The following S100Z variants were observed in gnomAD, a reference collection of about 807,000 sequenced individuals.
The protein encoded by S100Z is S100 calcium binding protein Z, also known as protein S100-Z.
In S100Z, 11 loss-of-function variants were observed where a neutral mutation model predicts 8.5. The ratio of observed to expected loss-of-function variants is 1.30; its 90% CI spans 0.82 to 2.15. S100Z has a LOEUF of 2.15. Ranked by LOEUF, S100Z falls within the 30% of genes most tolerant of loss-of-function variation. The pLI is 0.00. For synonymous variants in S100Z, 34 were observed against 43.8 expected (o/e 0.78, Z 0.89); for missense variants, 126 against 117.9 (o/e 1.07, Z -0.32).
chr5:76,864,159 A>T (rs1561224490), intron 1 of S100Z, among the ~76,000 whole-genome samples: 1 of 152,282 alleles, frequency 6.6e-6, no homozygotes, highest in East Asian at 1.9e-4. Flanking sequence ...GACCAACCAC[A>T]TATATGACAA....
intron 1 of S100Z, among the ~76,000 whole-genome samples, chr5:76,859,705 C>T (rs111624298): frequency 2.2e-4 from 31 of 140,360 alleles, no homozygotes; most frequent in African/African-American, 7.2e-4. Flanking sequence ...TCGCTTGAAC[C>T]CGGAAGTGGA....
rs1235748706 is a variant in S100Z at position 76,888,365 on chromosome 5, G to GTTTTT, written c.*2+10532_*2+10533insTTTTT. ...TTTTTTTTTTCCTGGGAAAGTGCTG[G>GTTTTT]TATTTTTTTTTTTTTTTTTTTTTTT... On this transcript the variant is annotated intron_variant, in intron 4 of 4. Coordinates refer to ENST00000317593, the MANE Select transcript of S100Z (RefSeq NM_130772.4). 4.9e-4 allele frequency among the ~76,000 whole-genome samples: 41 copies of GTTTTT among 84,012 alleles called. 1 individual carries two copies. Among genetic ancestry groups the GTTTTT allele is most frequent in the African/African-American group, 1.1e-3 (25 of 23,408 alleles). 55.1% of individuals were successfully genotyped at this position (84,012 alleles called of 152,430 possible).
intron 1 of S100Z, among the ~76,000 whole-genome samples, chr5:76,856,185 T>C (rs1354701671): frequency 6.6e-6 from 1 of 152,108 alleles, no homozygotes; most frequent in Non-Finnish European, 1.5e-5. Context: ...GTGAGCCAAT[T>C]AACCTTCTTT....
chr5:76,863,445 C>T (rs552296729), intron 1 of S100Z, among the ~76,000 whole-genome samples: 5 of 152,324 alleles, frequency 3.3e-5, no homozygotes, highest in African/African-American at 7.2e-5. Context: ...ACATAACTTA[C>T]GGTTGGTTAG....
intron 4 of S100Z, among the ~76,000 whole-genome samples, chr5:76,906,544 C>A (rs1425028831): frequency 6.6e-6 from 1 of 152,074 alleles, no homozygotes; most frequent in Non-Finnish European, 1.5e-5. Flanking sequence ...TCTTTCTGTG[C>A]CTGGCTTATT....
chr5:76,927,355 G>C, the S100Z span, among the ~76,000 whole-genome samples: 1 of 152,234 alleles, frequency 6.6e-6, no homozygotes, highest in East Asian at 1.9e-4. Flanking sequence ...TGAGGTTCCA[G>C]GTGTCAGTGG....
intron 4 of S100Z, among the ~76,000 whole-genome samples, chr5:76,914,250 AG>A (rs375759793): frequency 6.6e-6 from 1 of 151,850 alleles, no homozygotes; most frequent in Non-Finnish European, 1.5e-5. Context: ...TCCTGTTTAG[AG>A]GGGGGATTGA....
chr5:76,903,569 G>A (rs1010295603), intron 4 of S100Z, among the ~76,000 whole-genome samples: 1 of 151,782 alleles, frequency 6.6e-6, no homozygotes, highest in South Asian at 2.1e-4. Flanking sequence ...AGTAAGTGTG[G>A]GATTGCTGGG....
intron 1 of S100Z, among the ~76,000 whole-genome samples, chr5:76,868,763 A>G (rs1298052794): frequency 6.6e-6 from 1 of 151,834 alleles, no homozygotes; most frequent in Non-Finnish European, 1.5e-5. Flanking sequence ...AGCTGGGACT[A>G]CAGGCGCATG....
downstream of S100Z, among the ~76,000 whole-genome samples, chr5:76,925,240 T>C (rs1745118226): frequency 6.6e-6 from 1 of 152,180 alleles, no homozygotes; most frequent in South Asian, 2.1e-4. Context: ...CCATCACTTC[T>C]AACACGTTCT....
chr5:76,875,440 C>A lies in S100Z; in HGVS notation c.81C>A (p.Phe27Leu), dbSNP rs983973099. The A allele has an allele frequency of 6.2e-7, 1 of 1,613,130 alleles. No individual in the cohort carries two copies. The highest frequency in any genetic ancestry group is 1.3e-5 in the African/African-American group (1 of 74,966). Residue 27 changes from phenylalanine to leucine, a missense_variant, in exon 3 of 5, where the codon TTC becomes TTA. Physicochemically the swap from Phe to Leu is conservative, Grantham distance 22. Transcript: ENST00000317593. ...ATTCTGGCAAGGAAAGGAAGAGATT[C>A]AAGCTCAGCAAGGGGGAACTGAAAC... ...HRYSGKERKR[F>L]KLSKGELKLL...
At chr5:76,904,576 T>C (rs1744359609) in intron 4 of S100Z, among the ~76,000 whole-genome samples, 1 of 152,222 alleles carries the variant, frequency 6.6e-6, no homozygotes, top group Admixed American at 6.5e-5. Flanking sequence ...TCTTTACAAG[T>C]AATGATGGGC....
chr5:76,867,174 T>G (rs1742783770), intron 1 of S100Z, among the ~76,000 whole-genome samples: 1 of 152,212 alleles, frequency 6.6e-6, no homozygotes, highest in African/African-American at 2.4e-5. Context: ...TATACACCAG[T>G]GACACCATCA....
At chr5:76,936,671 C>A in the S100Z span, among the ~76,000 whole-genome samples, 17 of 145,408 alleles carry the variant, frequency 1.2e-4, no homozygotes, top group Non-Finnish European at 1.8e-4. Context: ...ATGAAGGAAA[C>A]AACAGCAAGA....
chr5:76,866,026 G>GAA (rs1024375652), intron 1 of S100Z, among the ~76,000 whole-genome samples: 1 of 139,116 alleles, frequency 7.2e-6, no homozygotes, highest in South Asian at 2.3e-4. Context: ...AAGAAAAAAA[G>GAA]AAAAAAAAAA....
intron 2 of S100Z, among the ~76,000 whole-genome samples, chr5:76,873,195 A>G (rs183756068): frequency 6.6e-5 from 10 of 152,136 alleles, no homozygotes; most frequent in African/African-American, 2.4e-4. Context: ...CACAGGAAAA[A>G]TTTACAAAGG....
At chr5:76,854,480 T>G (rs1750824902) in intron 1 of S100Z, among the ~76,000 whole-genome samples, 2 of 152,210 alleles carry the variant, frequency 1.3e-5, no homozygotes, top group African/African-American at 4.8e-5. Context: ...ACCCCTGCCC[T>G]AGAGATCTGT....
At chr5:76,889,893 A>G (rs1217279839) in intron 4 of S100Z, among the ~76,000 whole-genome samples, 1 of 152,206 alleles carries the variant, frequency 6.6e-6, no homozygotes, top group African/African-American at 2.4e-5. Flanking sequence ...ACATTTTCTC[A>G]TTGTGGTTAT....
chr5:76,874,837 C>T (rs1743122257), intron 2 of S100Z, among the ~76,000 whole-genome samples: 1 of 152,056 alleles, frequency 6.6e-6, no homozygotes, highest in African/African-American at 2.4e-5. Context: ...TTATTTGCAG[C>T]TTGCCCCAGC....
Sources: gnomAD v4.1 joint callset for allele counts (sites outside exome capture counted in the v4.1 genomes callset) on GRCh38, gnomAD v4.1.1 for gene constraint, MANE v1.5 for transcripts, NCBI Gene and HGNC (gene_info 2026-07-23, HGNC 2026-07-21) for gene names.